The following AGAP1 variants were observed in gnomAD, a reference collection of about 807,000 sequenced individuals.
The protein encoded by AGAP1 is arf-GAP with GTPase, ANK repeat and PH domain-containing protein 1.
Under a neutral mutation model 105.3 loss-of-function variants are expected in AGAP1, and 29 were observed. The ratio of observed to expected loss-of-function variants is 0.28; its 90% CI spans 0.21 to 0.38. The LOEUF (loss-of-function observed/expected upper bound fraction) is 0.38. Ranked by LOEUF, AGAP1 falls within the 10% of genes least tolerant of loss-of-function variation. The probability of loss-of-function intolerance (pLI) is 1.00; values close to 1 mark genes in which losing one functional copy is unlikely to be tolerated. For missense variants in AGAP1, 998 were observed against 1,165.1 expected, an observed-to-expected ratio of 0.86 and a Z score of 2.09; for synonymous variants, 509 against 485.9, an observed-to-expected ratio of 1.05 and a Z score of -0.63.
intron 1 of AGAP1, among the ~76,000 whole-genome samples, chr2:235,699,023 G>T (rs2149469701): frequency 6.6e-6 from 1 of 152,176 alleles, no homozygotes; most frequent in Non-Finnish European, 1.5e-5. Context: ...GCTGGTTGGT[G>T]GTGTAGGCAG....
chr2:235,938,387 TG>T (rs1275784519), intron 12 of AGAP1, among the ~76,000 whole-genome samples: 1 of 152,150 alleles, frequency 6.6e-6, no homozygotes, highest in Non-Finnish European at 1.5e-5. Context: ...CCAAGAACGC[TG>T]GGTGCGCAGC....
rs146482312 is a variant in AGAP1, at chr2:235,724,790, C to T, written c.310+7146C>T. Among the ~76,000 whole-genome samples, 357 of 146,250 alleles carry T rather than the reference C, an allele frequency of 2.4e-3. 4 individuals are homozygous for T. The highest frequency in any genetic ancestry group is 0.02 in the East Asian group (105 of 5,180). ...TCCCTAACTCAGGAAAGTCGAGTTT[C>T]TGAGCATAAGTCATAGGAAATTCTC... On this transcript the variant is annotated intron_variant, in intron 3 of 17. Coordinates refer to ENST00000304032, the MANE Select transcript of AGAP1 (RefSeq NM_001037131.3). The surrounding 1 kb of genome is among the most constrained non-coding windows in gnomAD (Gnocchi z 4.9).
In AGAP1 at chr2:236,121,769, A is replaced by G. The variant is rs967037784; in HGVS notation, c.2370+1322A>G. ...GCTGCCATAACAAAATACCACAGAC[A>G]GGGGTGCTTCAACAACAGACATTTA... On this transcript the variant is annotated intron_variant, in intron 17 of 17. Coordinates refer to ENST00000304032, the MANE Select transcript of AGAP1 (RefSeq NM_001037131.3). The surrounding 1 kb of genome is among the most constrained non-coding windows in gnomAD (Gnocchi z 4.9). Among the ~76,000 whole-genome samples, 20 of 152,202 alleles carry G rather than the reference A, an allele frequency of 1.3e-4. No individual in the cohort carries two copies. The highest frequency in any genetic ancestry group is 4.8e-4 in the African/African-American group (20 of 41,450).
At chr2:235,523,787 GCATC>G (rs1942718559) in intron 1 of AGAP1, among the ~76,000 whole-genome samples, 1 of 152,102 alleles carries the variant, frequency 6.6e-6, no homozygotes. Flanking sequence ...GTGTGGGATT[GCATC>G]TGCTTCCCTG....
chr2:236,081,674 T>TG (rs1559256936), intron 16 of AGAP1, among the ~76,000 whole-genome samples: 1 of 152,018 alleles, frequency 6.6e-6, no homozygotes, highest in Non-Finnish European at 1.5e-5. Flanking sequence ...GTGGGTTTTT[T>TG]TTTTTTTTTT....
At chr2:235,933,858 C>T (rs1054942200) in intron 12 of AGAP1, among the ~76,000 whole-genome samples, 6 of 152,074 alleles carry the variant, frequency 3.9e-5, no homozygotes, top group Non-Finnish European at 8.8e-5. Flanking sequence ...TATGTCATAC[C>T]GGAAATATTT....
At position 235,689,299 on chromosome 2, in the gene AGAP1, G is replaced by A. The variant is rs939434644; in HGVS notation, c.164-19880G>A. Among the ~76,000 whole-genome samples, 7 of 152,164 alleles carry A rather than the reference G, an allele frequency of 4.6e-5. No homozygotes were observed. Among genetic ancestry groups the A allele is most frequent in the Admixed American group, 1.3e-4 (2 of 15,274 alleles). On this transcript the variant is annotated intron_variant, in intron 1 of 17. Transcript: ENST00000304032. The surrounding 1 kb of genome is among the most constrained non-coding windows in gnomAD (Gnocchi z 4.2). Reference sequence around the variant, plus strand: ...GAGCAATGGAGAGAGTGAGGTTGCCGTGTCCACAAGTCACTGCACAGCTCA... The same window carrying A: ...GAGCAATGGAGAGAGTGAGGTTGCCATGTCCACAAGTCACTGCACAGCTCA...
rs201019044 is a variant in AGAP1, at chr2:235,674,693, C to CTTTTTTTTT, written c.164-34477_164-34469dup. On this transcript the variant is annotated intron_variant, in intron 1 of 17. Coordinates refer to ENST00000304032, the MANE Select transcript of AGAP1 (RefSeq NM_001037131.3). ...CAGTCAATTACTGTAGGGTGATAGA[C>CTTTTTTTTT]TTTTTTTTTTTTTTTTTGATGGAGT... Among the ~76,000 whole-genome samples, 35 of 136,292 alleles carry CTTTTTTTTT rather than the reference C, an allele frequency of 2.6e-4. 2 individuals carry two copies. Among genetic ancestry groups the CTTTTTTTTT allele is most frequent in the African/African-American group, 8.8e-4 (32 of 36,318 alleles). The allele number at this position is 136,292 out of a possible 152,430, so 89.4% of individuals were successfully genotyped here. A position where few individuals can be genotyped will look rare whatever the true frequency, so the allele number is the denominator to read the frequency against.
intron 6 of AGAP1, among the ~76,000 whole-genome samples, chr2:235,773,285 ACCAAT>A (rs1955600306): frequency 6.6e-6 from 1 of 152,170 alleles, no homozygotes; most frequent in Non-Finnish European, 1.5e-5. Flanking sequence ...GCAGAAAGCA[ACCAAT>A]CCAAGGTGGA....
chr2:235,513,522 GAAAAAAAAAAAA>G (rs5839595), intron 1 of AGAP1, among the ~76,000 whole-genome samples: 6 of 73,226 alleles, frequency 8.2e-5, no homozygotes, highest in African/African-American at 1.8e-4. Context: ...CTCCGTCTCA[GAAAAAAAAAAAA>G]AAAAAAAAAA....
intron 10 of AGAP1, among the ~76,000 whole-genome samples, chr2:235,898,196 TA>T (rs1439602940): frequency 6.6e-6 from 1 of 152,256 alleles, no homozygotes; most frequent in Non-Finnish European, 1.5e-5. Flanking sequence ...GATAGCATTT[TA>T]TGGCTTTAAA....
Position 235,724,998 on chromosome 2 carries a change from C to T in AGAP1, c.310+7354C>T, listed in dbSNP as rs78726164. On this transcript the variant is annotated intron_variant, in intron 3 of 17. Coordinates refer to ENST00000304032, the MANE Select transcript of AGAP1 (RefSeq NM_001037131.3). The surrounding 1 kb of genome is among the most constrained non-coding windows in gnomAD (Gnocchi z 4.9). ...GCCGCTTCACCTCCTGGAGAAAGGA[C>T]GTCTCGTTTCCAGCATGTCGGGGGT... Among the ~76,000 whole-genome samples, 101 of 152,274 alleles carry T rather than the reference C, an allele frequency of 6.6e-4. 1 individual carries two copies. Among genetic ancestry groups the T allele is most frequent in the East Asian group, 5.4e-3 (28 of 5,168 alleles).
At chr2:235,852,660 T>G in intron 9 of AGAP1, 1 of 1,433,442 alleles carries the variant, frequency 7.0e-7, no homozygotes, top group Non-Finnish European at 9.2e-7. Flanking sequence ...TGTGAAGAAT[T>G]TTTTTTATCT....
At position 235,700,207 on chromosome 2, in the gene AGAP1, A is replaced by C. The variant is rs572944651; in HGVS notation, c.164-8972A>C. Among the ~76,000 whole-genome samples the C allele has an allele frequency of 4.0e-3, 605 of 152,340 alleles. 4 individuals carry two copies. The highest frequency in any genetic ancestry group is 0.014 in the African/African-American group (574 of 41,566). On this transcript the variant is annotated intron_variant, in intron 1 of 17. Coordinates refer to ENST00000304032, the MANE Select transcript of AGAP1 (RefSeq NM_001037131.3). The surrounding 1 kb of genome is among the most constrained non-coding windows in gnomAD (Gnocchi z 6.1). ...GCATTAAATATTCCGAAGCAGCCTCAGCTAATGGAACACAGTTCTTCTGAA... is the reference window on the plus strand; with the variant it reads ...GCATTAAATATTCCGAAGCAGCCTCCGCTAATGGAACACAGTTCTTCTGAA...
At chr2:235,986,400 A>C (rs2055315047) in intron 13 of AGAP1, among the ~76,000 whole-genome samples, 1 of 152,166 alleles carries the variant, frequency 6.6e-6, no homozygotes. Flanking sequence ...CTCAATATAA[A>C]ATCATGTTGT....
At chr2:235,536,672 CA>C (rs1559231773) in intron 1 of AGAP1, among the ~76,000 whole-genome samples, 1,471 of 139,754 alleles carry the variant, frequency 0.011, 12 homozygotes, top group Non-Finnish European at 0.016. Flanking sequence ...CACACACACA[CA>C]CACACCCCTT....
rs1950997402 is a variant in AGAP1 at position 235,714,464 on chromosome 2, G to A, written c.223-3093G>A. On this transcript the variant is annotated intron_variant, in intron 2 of 17. Coordinates refer to ENST00000304032, the MANE Select transcript of AGAP1 (RefSeq NM_001037131.3). This position sits in a 1 kb window ranked among gnomAD's most constrained non-coding sequence, Gnocchi z 4.1. ...GTAGGTTTCGGGGAATGATTGATAT[G>A]GAAAGCTTTAGTTGCCTGGAGACAG... Among the ~76,000 whole-genome samples, 1 of 151,938 alleles carries A rather than the reference G, an allele frequency of 6.6e-6. No individual in the cohort carries two copies. Among genetic ancestry groups the A allele is most frequent in the Admixed American group, 6.6e-5 (1 of 15,266 alleles).
intron 4 of AGAP1, among the ~76,000 whole-genome samples, chr2:235,742,451 A>G (rs1952646870): frequency 6.6e-6 from 1 of 152,360 alleles, no homozygotes; most frequent in South Asian, 2.1e-4. Flanking sequence ...AGCATTAACG[A>G]TACCATGAAC....
At chr2:235,937,065 C>T (rs1342222318) in intron 12 of AGAP1, among the ~76,000 whole-genome samples, 1 of 152,214 alleles carries the variant, frequency 6.6e-6, no homozygotes, top group Non-Finnish European at 1.5e-5. Flanking sequence ...TCTTCTCTCA[C>T]TGATGCTGAA....
Sources: gnomAD v4.1 joint callset for allele counts (sites outside exome capture counted in the v4.1 genomes callset) on GRCh38, gnomAD v4.1.1 for gene constraint, Gnocchi (gnomAD v3.1) non-coding constraint, MANE v1.5 for transcripts, NCBI Gene and HGNC (gene_info 2026-07-23, HGNC 2026-07-21) for gene names.